TEKT5: variants seen among roughly 807,000 people sequenced by gnomAD.
TEKT5 encodes tektin 5.
In TEKT5, 52 loss-of-function variants were observed where a neutral mutation model predicts 48.7. The ratio of observed to expected loss-of-function variants is 1.07; its 90% CI spans 0.86 to 1.35. TEKT5 has a LOEUF of 1.35. Among genes scored for constraint, TEKT5 ranks in the 40% most tolerant of loss-of-function variants. The pLI, the probability that TEKT5 is intolerant of heterozygous loss-of-function variation, is 0.00. For missense variants in TEKT5, 831 were observed against 641.6 expected, an observed-to-expected ratio of 1.30 and a Z score of -3.19; for synonymous variants, 318 against 267.6, an observed-to-expected ratio of 1.19 and a Z score of -1.84.
chr16:10,675,865 G>C, intron 5 of TEKT5, 94 bp downstream of exon 5: 1 of 1,288,664 alleles, frequency 7.8e-7, no homozygotes. Context: ...TGGCACCAGG[G>C]GCAGGGCCAG....
intron 5 of TEKT5, among the ~76,000 whole-genome samples, chr16:10,666,684 G>A (rs1042201349): frequency 1.3e-5 from 2 of 152,228 alleles, no homozygotes; most frequent in African/African-American, 4.8e-5. Context: ...CTGAGTGTCT[G>A]CATGGGTGGA....
rs757189555 is a variant in TEKT5, at chr16:10,627,688, C to G, written c.1353G>C (p.Glu451Asp). ...QLLVMTKCRLEHELAIKANTL... is the reference protein window; with the variant it reads ...QLLVMTKCRLDHELAIKANTL... The stretch of plus-strand genomic sequence containing the variant: ...TGTTGGCCTTGATGGCGAGCTCGTG[C>G]TCCAGCCGGCACTTGGTCATGACCA... Residue 451 changes from glutamate (E) to aspartate (D), a missense_variant, in exon 7 of 7, where the codon GAG becomes GAC. By Grantham distance (45) the Glu-to-Asp change is conservative (BLOSUM62 2). Transcript: ENST00000283025. 6.2e-7 allele frequency: 1 copy of G among 1,614,222 alleles called. No homozygotes were observed. Among genetic ancestry groups the G allele is most frequent in the Non-Finnish European group, 8.5e-7 (1 of 1,180,050 alleles).
intron 5 of TEKT5, among the ~76,000 whole-genome samples, chr16:10,665,447 A>C (rs775431550): frequency 1.3e-5 from 2 of 152,150 alleles, no homozygotes; most frequent in Non-Finnish European, 2.9e-5. Context: ...TCACAAAATG[A>C]GCTAGAAACA....
intron 2 of TEKT5, 75 bp downstream of exon 2, chr16:10,689,867 A>G: frequency 7.0e-7 from 1 of 1,419,928 alleles, no homozygotes; most frequent in Non-Finnish European, 9.9e-7. Context: ...CCTGACAGGT[A>G]GCTCAGTAAT....
At chr16:10,635,123 A>G (rs904880619) in intron 6 of TEKT5, among the ~76,000 whole-genome samples, 20 of 151,652 alleles carry the variant, frequency 1.3e-4, no homozygotes, top group Non-Finnish European at 2.1e-4. Flanking sequence ...AATAATCCCC[A>G]TATCTGATGA....
Position 10,676,094 on chromosome 16 carries a change from C to T in TEKT5, c.951G>A (p.Arg317=). 6.2e-7 allele frequency: 1 copy of T among 1,614,236 alleles called. No homozygotes were observed. Among genetic ancestry groups the T allele is most frequent in the Non-Finnish European group, 8.5e-7 (1 of 1,180,050 alleles). ...QNMRANSIQL[R]EEAEHLFETL... is the part of the protein sequence containing the mutation. The stretch of plus-strand genomic sequence containing the variant: ...TCTCAAAGAGGTGCTCCGCCTCCTC[C>T]CGCAGCTGGATGGAGTTGGCCCGCA... The change falls in exon 5 of 7, where the codon CGG becomes CGA. Residue 317 remains arginine, a synonymous_variant. Coordinates refer to ENST00000283025, the MANE Select transcript of TEKT5 (RefSeq NM_144674.2).
intron 5 of TEKT5, among the ~76,000 whole-genome samples, chr16:10,651,746 G>T (rs1390869427): frequency 6.6e-6 from 1 of 152,142 alleles, no homozygotes; most frequent in Non-Finnish European, 1.5e-5. Flanking sequence ...GATCACCTGA[G>T]ATCAGGGGTT....
intron 2 of TEKT5, among the ~76,000 whole-genome samples, chr16:10,689,562 G>A (rs1302598528): frequency 1.6e-5 from 2 of 124,370 alleles, no homozygotes; most frequent in Non-Finnish European, 3.3e-5. Context: ...TCTTTTTATA[G>A]ACTCCCAGAA....
intron 3 of TEKT5, among the ~76,000 whole-genome samples, chr16:10,686,640 C>T (rs749575548): frequency 3.9e-5 from 6 of 151,996 alleles, no homozygotes; most frequent in Non-Finnish European, 5.9e-5. Context: ...GCACAGCAAA[C>T]GAAACAAACA....
At chr16:10,638,974 A>G (rs1897954440) in intron 5 of TEKT5, among the ~76,000 whole-genome samples, 1 of 152,200 alleles carries the variant, frequency 6.6e-6, no homozygotes, top group Admixed American at 6.5e-5. Flanking sequence ...GATAAGTGAC[A>G]ATGATTTACA....
chr16:10,654,830 T>C (rs1555465871), intron 5 of TEKT5, among the ~76,000 whole-genome samples: 1 of 151,718 alleles, frequency 6.6e-6, no homozygotes, highest in Non-Finnish European at 1.5e-5. Flanking sequence ...TACATTTCTA[T>C]ATATCGTATT....
chr16:10,649,955 G>C (rs1178915012), intron 5 of TEKT5, among the ~76,000 whole-genome samples: 2 of 152,112 alleles, frequency 1.3e-5, no homozygotes, highest in African/African-American at 4.8e-5. Flanking sequence ...ATCCTTCCCA[G>C]GTTGGAGACT....
At chr16:10,660,180 C>G (rs571574244) in intron 5 of TEKT5, among the ~76,000 whole-genome samples, 10 of 152,230 alleles carry the variant, frequency 6.6e-5, no homozygotes, top group African/African-American at 2.2e-4. Context: ...CCACCCTAGC[C>G]CAGCCTCCCT....
At chr16:10,667,719 A>C (rs150200900) in intron 5 of TEKT5, among the ~76,000 whole-genome samples, 104 of 152,278 alleles carry the variant, frequency 6.8e-4, no homozygotes, top group African/African-American at 2.2e-3. Context: ...TACCATCTAC[A>C]TAATCATTTA....
chr16:10,688,060 G>A (rs1898895216), intron 3 of TEKT5, among the ~76,000 whole-genome samples: 1 of 152,076 alleles, frequency 6.6e-6, no homozygotes, highest in Non-Finnish European at 1.5e-5. Context: ...TGTGCTTAAG[G>A]TTTTTTTAAG....
intron 5 of TEKT5, among the ~76,000 whole-genome samples, chr16:10,643,453 C>G (rs1898024130): frequency 6.6e-6 from 1 of 151,740 alleles, no homozygotes; most frequent in African/African-American, 2.4e-5. Context: ...TCCACTAATA[C>G]ACTGTGTTTT....
intron 3 of TEKT5, among the ~76,000 whole-genome samples, chr16:10,684,117 C>A (rs540927658): frequency 1.3e-5 from 2 of 152,142 alleles, no homozygotes; most frequent in East Asian, 3.9e-4. Flanking sequence ...AAAAAGAGAT[C>A]AGTTGATGGT....
intron 5 of TEKT5, among the ~76,000 whole-genome samples, chr16:10,659,694 A>T (rs1338375303): frequency 2.0e-5 from 3 of 152,238 alleles, no homozygotes. Flanking sequence ...TAATAAGGCA[A>T]CCGCAGAGAA....
intron 5 of TEKT5, among the ~76,000 whole-genome samples, chr16:10,636,375 CAA>C (rs35709495): frequency 7.2e-6 from 1 of 138,240 alleles, no homozygotes. Flanking sequence ...GACTTTGTCT[CAA>C]AAAAAAAAAA....
Sources: allele counts gnomAD v4.1 joint callset (sites outside exome capture counted in the v4.1 genomes callset), GRCh38; gene constraint gnomAD v4.1.1; transcripts MANE v1.5; gene names NCBI Gene and HGNC (gene_info 2026-07-23, HGNC 2026-07-21).